PTPRD: variants seen among roughly 807,000 people sequenced by gnomAD.
PTPRD encodes protein tyrosine phosphatase receptor type D.
A neutral mutation model predicts 214.5 loss-of-function variants in PTPRD; 34 were observed. The observed-to-expected ratio is 0.16, with a 90% CI of 0.12 to 0.21. The LOEUF is 0.21. PTPRD is among the 10% of genes least tolerant of loss of function. The pLI is 1.00. For missense variants in PTPRD, 2,545 were observed against 2,398.7 expected, an observed-to-expected ratio of 1.06 and a Z score of -1.27; for synonymous variants, 1,128 against 845.7, an observed-to-expected ratio of 1.33 and a Z score of -5.79.
chr9:9,043,661 T>C (rs922819643), intron 10 of PTPRD, among the ~76,000 whole-genome samples: 21 of 152,262 alleles, frequency 1.4e-4, no homozygotes, highest in African/African-American at 4.3e-4. Flanking sequence ...CCCAGCACTT[T>C]GTGAGGCCAA....
At chr9:8,625,063 G>A (rs1303092154) in intron 14 of PTPRD, among the ~76,000 whole-genome samples, 4 of 151,668 alleles carry the variant, frequency 2.6e-5, no homozygotes. Context: ...ACATTTCTAG[G>A]CCATAGAAAA....
At chr9:10,546,079 T>C (rs1442296339) in intron 2 of PTPRD, among the ~76,000 whole-genome samples, 1 of 152,152 alleles carries the variant, frequency 6.6e-6, no homozygotes, top group East Asian at 1.9e-4. Context: ...TCATTAGCTT[T>C]ATCCTACCAG....
intron 12 of PTPRD, among the ~76,000 whole-genome samples, chr9:8,641,837 T>A (rs1029465343): frequency 4.6e-5 from 7 of 152,192 alleles, no homozygotes; most frequent in Non-Finnish European, 8.8e-5. Flanking sequence ...TTGAACCTAA[T>A]GGGTCTAATA....
At chr9:8,669,983 A>G (rs1329954597) in intron 12 of PTPRD, among the ~76,000 whole-genome samples, 1 of 151,892 alleles carries the variant, frequency 6.6e-6, no homozygotes, top group Admixed American at 6.6e-5. Context: ...TCAGATTGCT[A>G]AAGAGAAAGA....
chr9:9,634,243 ATAAACAT>A (rs2095683880), intron 7 of PTPRD, among the ~76,000 whole-genome samples: 1 of 152,282 alleles, frequency 6.6e-6, no homozygotes, highest in South Asian at 2.1e-4. Context: ...TGAAATTACT[ATAAACAT>A]TAAAGTACCT....
At chr9:10,403,109 G>C (rs190901615) in intron 2 of PTPRD, among the ~76,000 whole-genome samples, 1 of 150,406 alleles carries the variant, frequency 6.6e-6, no homozygotes, top group African/African-American at 2.4e-5. Context: ...TAGAAATAAA[G>C]GTGCAGTTAA....
chr9:10,209,504 C>G (rs1156873838), intron 3 of PTPRD, among the ~76,000 whole-genome samples: 6 of 152,088 alleles, frequency 3.9e-5, no homozygotes, highest in Non-Finnish European at 7.4e-5. Context: ...TCCCAGCCCC[C>G]CACTGCCCCT....
chr9:10,224,080 T>C (rs1280421644), intron 3 of PTPRD, among the ~76,000 whole-genome samples: 1 of 151,900 alleles, frequency 6.6e-6, no homozygotes, highest in Non-Finnish European at 1.5e-5. Flanking sequence ...TAATATTAAG[T>C]CTATGAAGAT....
chr9:9,984,890 C>G (rs903124522), intron 4 of PTPRD, among the ~76,000 whole-genome samples: 1 of 152,146 alleles, frequency 6.6e-6, no homozygotes. Flanking sequence ...CCTGACCAAC[C>G]ATGCACACCC....
At chr9:9,927,426 A>C (rs1160677778) in intron 5 of PTPRD, among the ~76,000 whole-genome samples, 2 of 152,118 alleles carry the variant, frequency 1.3e-5, no homozygotes, top group East Asian at 3.9e-4. Context: ...CTACATCTGC[A>C]ATGCCATTCC....
intron 5 of PTPRD, among the ~76,000 whole-genome samples, chr9:9,933,459 C>T (rs1375558200): frequency 2.6e-5 from 4 of 151,712 alleles, no homozygotes; most frequent in Non-Finnish European, 1.5e-5. Flanking sequence ...TTTAAACCAA[C>T]AAAGATCAAA....
rs528327239 is a variant in PTPRD at position 9,004,082 on chromosome 9, A to G, written c.-104+14615T>C. Among the ~76,000 whole-genome samples the G allele has an allele frequency of 3.9e-5, 6 of 152,166 alleles. No individual in the cohort carries two copies. In the East Asian group the frequency reaches 1.2e-3, roughly 29 times the overall value. On this transcript the variant is annotated intron_variant, in intron 11 of 45. Transcript: ENST00000381196. Reference sequence around the variant, plus strand: ...TAGATAAATCTTTTTGTGTTCTCACAGACTCTAACCCCTTATAGACTACAG... The same window carrying G: ...TAGATAAATCTTTTTGTGTTCTCACGGACTCTAACCCCTTATAGACTACAG...
intron 12 of PTPRD, among the ~76,000 whole-genome samples, chr9:8,693,761 G>C (rs753179795): frequency 1.3e-5 from 2 of 152,194 alleles, no homozygotes; most frequent in African/African-American, 2.4e-5. Context: ...AAGTCCCATA[G>C]TAAAAGCAAA....
chr9:9,213,231 C>G (rs1316041226), intron 9 of PTPRD, among the ~76,000 whole-genome samples: 1 of 152,036 alleles, frequency 6.6e-6, no homozygotes, highest in Non-Finnish European at 1.5e-5. Context: ...TAGCTGAACT[C>G]ATTAACTGAG....
chr9:9,707,021 C>G (rs1462308127), intron 7 of PTPRD, among the ~76,000 whole-genome samples: 1 of 152,092 alleles, frequency 6.6e-6, no homozygotes, highest in East Asian at 1.9e-4. Flanking sequence ...AAAAATACCA[C>G]TCAAGAAAAT....
chr9:9,429,414 C>T (rs200475916), intron 8 of PTPRD, among the ~76,000 whole-genome samples: 1 of 151,962 alleles, frequency 6.6e-6, no homozygotes, highest in African/African-American at 2.4e-5. Flanking sequence ...AATGAAGAGC[C>T]TACTGACCAA....
intron 21 of PTPRD, among the ~76,000 whole-genome samples, chr9:8,513,981 A>C (rs2097733601): frequency 6.6e-6 from 1 of 152,138 alleles, no homozygotes; most frequent in Non-Finnish European, 1.5e-5. Flanking sequence ...AAGTCAGTTA[A>C]ACAGAGTGGG....
At chr9:9,186,422 C>T (rs963057307) in intron 9 of PTPRD, among the ~76,000 whole-genome samples, 3 of 151,984 alleles carry the variant, frequency 2.0e-5, no homozygotes, top group Non-Finnish European at 4.4e-5. Context: ...GAAGCCTGGG[C>T]AACATCATAA....
At chr9:9,587,455 A>T (rs572044689) in intron 7 of PTPRD, among the ~76,000 whole-genome samples, 1 of 152,068 alleles carries the variant, frequency 6.6e-6, no homozygotes, top group Non-Finnish European at 1.5e-5. Flanking sequence ...CTTGCTAATG[A>T]CACAGATTTA....
Sources: gnomAD v4.1 joint callset for allele counts (sites outside exome capture counted in the v4.1 genomes callset) on GRCh38, gnomAD v4.1.1 for gene constraint, MANE v1.5 for transcripts, NCBI Gene and HGNC (gene_info 2026-07-23, HGNC 2026-07-21) for gene names.